CHST9: variants seen among roughly 807,000 people sequenced by gnomAD.
CHST9 encodes carbohydrate sulfotransferase 9.
Under a neutral mutation model 44.4 loss-of-function variants are expected in CHST9, and 41 were observed. That is an observed-to-expected ratio of 0.92 (90% CI 0.72 to 1.20). The LOEUF (loss-of-function observed/expected upper bound fraction) is 1.20. Among genes scored for constraint, CHST9 ranks in the 50% most tolerant of loss-of-function variants. CHST9 has a pLI of 0.00. For missense variants in CHST9, 504 were observed against 516.5 expected (o/e 0.98, Z 0.23); for synonymous variants, 171 against 178.4 (o/e 0.96, Z 0.33).
chr18:27,041,021 A>AT (rs1378685398), intron 3 of CHST9, among the ~76,000 whole-genome samples: 2 of 152,164 alleles, frequency 1.3e-5, no homozygotes, highest in Non-Finnish European at 2.9e-5. Context: ...GTCATGTCAC[A>AT]TAAGAGTGTA....
intron 5 of CHST9, among the ~76,000 whole-genome samples, chr18:26,931,654 T>C (rs2055879787): frequency 6.6e-6 from 1 of 152,176 alleles, no homozygotes; most frequent in Admixed American, 6.5e-5. Context: ...TTTGTTTGTC[T>C]CCACTCCTGC....
At chr18:27,122,892 C>T (rs1485214750) in intron 2 of CHST9, among the ~76,000 whole-genome samples, 2 of 152,028 alleles carry the variant, frequency 1.3e-5, no homozygotes, top group Non-Finnish European at 2.9e-5. Context: ...AGTGAAAGGA[C>T]CAGCACTGCA....
intron 2 of CHST9, among the ~76,000 whole-genome samples, chr18:27,122,701 T>C (rs2058385224): frequency 6.6e-6 from 1 of 152,176 alleles, no homozygotes; most frequent in Non-Finnish European, 1.5e-5. Context: ...ATTTGATGCA[T>C]GTGGAAGCAA....
At chr18:26,950,076 T>G (rs1458561826) in intron 4 of CHST9, among the ~76,000 whole-genome samples, 1 of 152,074 alleles carries the variant, frequency 6.6e-6, no homozygotes, top group Non-Finnish European at 1.5e-5. Context: ...AGCCACAGAG[T>G]TTTTGGTGAT....
intron 3 of CHST9, among the ~76,000 whole-genome samples, chr18:27,043,833 G>A (rs943473821): frequency 6.6e-6 from 1 of 151,926 alleles, no homozygotes; most frequent in Non-Finnish European, 1.5e-5. Context: ...TCCATGGAAC[G>A]GCATAGATGG....
At chr18:27,032,405 AAG>A in intron 3 of CHST9, among the ~76,000 whole-genome samples, 1 of 152,334 alleles carries the variant, frequency 6.6e-6, no homozygotes. Flanking sequence ...AGATCAGAAA[AAG>A]AGTAATACTA....
intron 1 of CHST9, among the ~76,000 whole-genome samples, chr18:27,165,001 G>A (rs1297966533): frequency 6.6e-5 from 10 of 152,164 alleles, no homozygotes; most frequent in Non-Finnish European, 1.0e-4. Context: ...TTAGATGAGC[G>A]GAAGAAATGG....
At chr18:26,995,842 T>C (rs374158626) in intron 4 of CHST9, among the ~76,000 whole-genome samples, 109 of 152,350 alleles carry the variant, frequency 7.2e-4, no homozygotes, top group African/African-American at 2.6e-3. Flanking sequence ...TGTATCTTAA[T>C]GTAATTGATT....
intron 5 of CHST9, among the ~76,000 whole-genome samples, chr18:26,932,808 C>T (rs2055904004): frequency 6.6e-6 from 1 of 152,166 alleles, no homozygotes; most frequent in South Asian, 2.1e-4. Flanking sequence ...TCTTTTTTAG[C>T]AAAGTCAAGT....
chr18:27,028,791 G>T (rs1474947999), intron 3 of CHST9, among the ~76,000 whole-genome samples: 4 of 151,980 alleles, frequency 2.6e-5, no homozygotes, highest in Admixed American at 6.5e-5. Context: ...CTCGTGATCC[G>T]CCCGTCTCAG....
chr18:27,070,276 C>T (rs2057824702), intron 2 of CHST9, among the ~76,000 whole-genome samples: 1 of 152,142 alleles, frequency 6.6e-6, no homozygotes, highest in South Asian at 2.1e-4. Context: ...ACACTTAATG[C>T]TCTTTATAAA....
chr18:27,169,960 A>G (rs551226028), intron 1 of CHST9, among the ~76,000 whole-genome samples: 2 of 152,276 alleles, frequency 1.3e-5, no homozygotes, highest in East Asian at 3.9e-4. Context: ...CAAGCAACAT[A>G]TATCAGCAGT....
In CHST9 at chr18:27,024,121, C is replaced by G. The variant is rs2057256805; in HGVS notation, c.197G>C (p.Arg66Thr). The G allele has an allele frequency of 6.2e-7, 1 of 1,612,416 alleles. No individual in the cohort carries two copies. The highest frequency in any genetic ancestry group is 1.3e-5 in the African/African-American group (1 of 74,846). The change falls in exon 4 of 6, where the codon AGA becomes ACA. Residue 66 changes from arginine to threonine, a missense_variant. Coordinates refer to ENST00000618847, the MANE Select transcript of CHST9 (RefSeq NM_031422.6). Reference sequence around the variant, plus strand: ...ATTATGAGGAAGTTACTCACTGATTCTGGGTACAGGCCGCAAGTACTTCAC... The same window carrying G: ...ATTATGAGGAAGTTACTCACTGATTGTGGGTACAGGCCGCAAGTACTTCAC... Reference protein sequence around the residue: ...GPVKYLRPVPRIMSTEKIQEH... With the variant: ...GPVKYLRPVPTIMSTEKIQEH...
chr18:26,997,563 G>C (rs1245191902), intron 4 of CHST9, among the ~76,000 whole-genome samples: 1 of 152,156 alleles, frequency 6.6e-6, no homozygotes, highest in Non-Finnish European at 1.5e-5. Flanking sequence ...ATGCATCTTA[G>C]ACAATAATGC....
At chr18:27,051,470 C>T (rs2057565945) in intron 2 of CHST9, among the ~76,000 whole-genome samples, 1 of 152,166 alleles carries the variant, frequency 6.6e-6, no homozygotes, top group Admixed American at 6.5e-5. Flanking sequence ...TTTTGGATCA[C>T]TCCCTCTGGG....
At chr18:26,932,173 T>C (rs1454991593) in intron 5 of CHST9, among the ~76,000 whole-genome samples, 3 of 152,188 alleles carry the variant, frequency 2.0e-5, no homozygotes, top group African/African-American at 7.2e-5. Flanking sequence ...CTACTGAACA[T>C]CATTGTTGGA....
chr18:26,917,239 C>T lies in CHST9; in HGVS notation c.352G>A (p.Asp118Asn). ...CCTGTGGACTTACTTAAAGCTTGAT[C>T]CCCTCCTTGTGAATGACTGGTCTTT... Reference protein sequence around the residue: ...LTKTSHSQGGDQALSKSTGSP... With the variant: ...LTKTSHSQGGNQALSKSTGSP... Residue 118 changes from aspartate (D) to asparagine (N), a missense_variant, in exon 6 of 6, where the codon GAT (aspartate) becomes AAT (asparagine). Asp to Asn is a conservative substitution (Grantham distance 23). Coordinates refer to ENST00000618847, the MANE Select transcript of CHST9 (RefSeq NM_031422.6). 1 of 1,613,836 alleles carries T rather than the reference C, an allele frequency of 6.2e-7. No individual in the cohort carries two copies.
chr18:27,175,022 C>T (rs1160281668), intron 1 of CHST9, among the ~76,000 whole-genome samples: 1 of 152,036 alleles, frequency 6.6e-6, no homozygotes, highest in East Asian at 1.9e-4. Flanking sequence ...TGAATTCAGT[C>T]ACGAATGTTA....
intron 2 of CHST9, among the ~76,000 whole-genome samples, chr18:27,060,270 G>A (rs1233513937): frequency 6.6e-6 from 1 of 152,232 alleles, no homozygotes; most frequent in African/African-American, 2.4e-5. Context: ...TCAAGTGGGG[G>A]CTGGAAGTGG....
Sources: allele counts gnomAD v4.1 joint callset (sites outside exome capture counted in the v4.1 genomes callset), GRCh38; gene constraint gnomAD v4.1.1; transcripts MANE v1.5; gene names NCBI Gene and HGNC (gene_info 2026-07-23, HGNC 2026-07-21).